The following PPM1L variants were observed in gnomAD, a reference collection of about 807,000 sequenced individuals.
PPM1L encodes protein phosphatase 1L.
A neutral mutation model predicts 31.4 loss-of-function variants in PPM1L; 13 were observed. That is an observed-to-expected ratio of 0.41 (90% CI 0.27 to 0.66). The LOEUF is 0.66. PPM1L is among the 30% of genes least tolerant of loss of function. PPM1L has a pLI of 0.29. For missense variants in PPM1L, 326 were observed against 453.7 expected (o/e 0.72, Z 2.56); for synonymous variants, 184 against 175.4 (o/e 1.05, Z -0.39).
rs144961400 is a variant in PPM1L at position 161,010,838 on chromosome 3, A to G, written c.574+48928A>G. Among the ~76,000 whole-genome samples, 358 of 152,246 alleles carry G rather than the reference A, an allele frequency of 2.4e-3. 2 individuals carry two copies. The highest frequency in any genetic ancestry group is 0.01 in the Middle Eastern group (3 of 294). On this transcript the variant is annotated intron_variant, in intron 2 of 3. Coordinates refer to ENST00000498165, the MANE Select transcript of PPM1L (RefSeq NM_139245.4). ...AAATGTCTTCTTTTGAGAAGTGTCTATTCATATCCTTTGCCCACTTTGTAA... is the reference window on the plus strand; with the variant it reads ...AAATGTCTTCTTTTGAGAAGTGTCTGTTCATATCCTTTGCCCACTTTGTAA...
intron 1 of PPM1L, among the ~76,000 whole-genome samples, chr3:160,829,206 T>A (rs886247765): frequency 6.6e-6 from 1 of 151,598 alleles, no homozygotes; most frequent in African/African-American, 2.4e-5. Context: ...CTCCTCCTTG[T>A]TTTTGTTTAG....
rs114507255 is a variant in PPM1L, at chr3:160,800,041, A to G, written c.399+43334A>G. 6.6e-3 allele frequency among the ~76,000 whole-genome samples: 1,001 copies of G among 152,348 alleles called. 10 individuals carry two copies. Among genetic ancestry groups the G allele is most frequent in the African/African-American group, 0.023 (964 of 41,570 alleles). On this transcript the variant is annotated intron_variant, in intron 1 of 3. Transcript: ENST00000498165. ...ATAAACATTTGTTAAATGCATGAAT[A>G]AAGGAATAGTATTTTTTATTCATGC...
At chr3:160,851,388 A>T (rs541313024) in intron 1 of PPM1L, among the ~76,000 whole-genome samples, 89 of 152,290 alleles carry the variant, frequency 5.8e-4, no homozygotes, top group African/African-American at 2.1e-3. Context: ...TTGAGGCCAA[A>T]CTATGTTGAA....
chr3:160,761,828 G>A (rs1024221333), intron 1 of PPM1L, among the ~76,000 whole-genome samples: 1 of 152,176 alleles, frequency 6.6e-6, no homozygotes, highest in Non-Finnish European at 1.5e-5. Context: ...TGGCAGACCG[G>A]AGAAGAAGAG....
intron 2 of PPM1L, among the ~76,000 whole-genome samples, chr3:161,014,069 T>C (rs1394920078): frequency 1.3e-5 from 2 of 152,210 alleles, no homozygotes; most frequent in Non-Finnish European, 2.9e-5. Context: ...GTCATTGTGA[T>C]GTTAGCTGGT....
At position 160,763,048 on chromosome 3, in the gene PPM1L, A is replaced by G. The variant is rs371233546; in HGVS notation, c.399+6341A>G. On this transcript the variant is annotated intron_variant, in intron 1 of 3. Coordinates refer to ENST00000498165, the MANE Select transcript of PPM1L (RefSeq NM_139245.4). Reference sequence around the variant, plus strand: ...CTGCTGAGATGCTGTCTCCATCTTGATGGAGCAGAATGATTCTAAAAAGAT... The same window carrying G: ...CTGCTGAGATGCTGTCTCCATCTTGGTGGAGCAGAATGATTCTAAAAAGAT... Among the ~76,000 whole-genome samples, 4 of 152,316 alleles carry G rather than the reference A, an allele frequency of 2.6e-5. No homozygotes were observed. In the East Asian group the frequency reaches 5.8e-4, roughly 22 times the overall value.
intron 2 of PPM1L, among the ~76,000 whole-genome samples, chr3:160,980,424 C>G (rs1186890966): frequency 1.3e-5 from 2 of 151,876 alleles, no homozygotes; most frequent in African/African-American, 4.8e-5. Context: ...CGCCTGTAAT[C>G]CCAGCACTTT....
At chr3:160,920,615 T>TCTCTCACA (rs1389629070) in intron 1 of PPM1L, among the ~76,000 whole-genome samples, 15 of 28,708 alleles carry the variant, frequency 5.2e-4, no homozygotes, top group African/African-American at 1.4e-3. Flanking sequence ...TCTCTCTCTC[T>TCTCTCACA]CACACACACA....
chr3:160,850,087 A>G (rs1354032859), intron 1 of PPM1L, among the ~76,000 whole-genome samples: 1 of 152,184 alleles, frequency 6.6e-6, no homozygotes, highest in East Asian at 1.9e-4. Flanking sequence ...CCAGATTGTC[A>G]CTTACACTCC....
chr3:160,837,588 A>G (rs963256267), intron 1 of PPM1L, among the ~76,000 whole-genome samples: 3 of 152,210 alleles, frequency 2.0e-5, no homozygotes, highest in Non-Finnish European at 4.4e-5. Context: ...TGTAAATGCT[A>G]TGCTGTACAT....
At chr3:160,920,615 T>TCTCTCTCTCTCTCACA (rs1389629070) in intron 1 of PPM1L, among the ~76,000 whole-genome samples, 4 of 28,662 alleles carry the variant, frequency 1.4e-4, no homozygotes, top group South Asian at 1.6e-3. Flanking sequence ...TCTCTCTCTC[T>TCTCTCTCTCTCTCACA]CACACACACA....
In PPM1L at chr3:160,838,358, C is replaced by T. The variant is rs1218275158; in HGVS notation, c.399+81651C>T. ...AAGTAGGGGCTTGCATGTAAATATC[C>T]ACAAAGGGTGGCTATAAGACAACAG... On this transcript the variant is annotated intron_variant, in intron 1 of 3. Transcript: ENST00000498165. Among the ~76,000 whole-genome samples, 3 of 152,154 alleles carry T rather than the reference C, an allele frequency of 2.0e-5. No individual in the cohort carries two copies. In the East Asian group the frequency reaches 5.8e-4, roughly 29 times the overall value.
At chr3:160,969,531 T>TA (rs1716255330) in intron 2 of PPM1L, among the ~76,000 whole-genome samples, 1 of 151,672 alleles carries the variant, frequency 6.6e-6, no homozygotes, top group African/African-American at 2.4e-5. Flanking sequence ...TCTAAGAACA[T>TA]AAAAAATCTA....
intron 1 of PPM1L, among the ~76,000 whole-genome samples, chr3:160,916,287 C>G (rs1714177858): frequency 6.6e-6 from 1 of 152,082 alleles, no homozygotes; most frequent in South Asian, 2.1e-4. Flanking sequence ...GACATTTATG[C>G]AGTGAAAACA....
intron 2 of PPM1L, among the ~76,000 whole-genome samples, chr3:160,975,785 G>C (rs1716548246): frequency 6.6e-6 from 1 of 151,718 alleles, no homozygotes; most frequent in African/African-American, 2.4e-5. Context: ...TGAGACAATG[G>C]GGTTTTCTAG....
At chr3:160,903,635 A>G (rs1438921839) in intron 1 of PPM1L, among the ~76,000 whole-genome samples, 5 of 152,056 alleles carry the variant, frequency 3.3e-5, no homozygotes, top group African/African-American at 1.2e-4. Context: ...GGTATTTTCT[A>G]TTACTTCAAT....
Position 161,076,991 on chromosome 3 carries a change from T to G in PPM1L, c.*7834T>G, listed in dbSNP as rs1720122509. ...TTCTTTCCTTTTTTGTGTGAGCATC[T>G]ACTATGTGCCAGGCAGTGACTGTGT... On this transcript the variant is annotated 3_prime_UTR_variant, in exon 4 of 4. Coordinates refer to ENST00000498165, the MANE Select transcript of PPM1L (RefSeq NM_139245.4). 6.6e-6 allele frequency: 1 copy of G among 152,204 alleles called. No homozygotes were observed. The highest frequency in any genetic ancestry group is 2.4e-5 in the African/African-American group (1 of 41,452). 9.4% of individuals were successfully genotyped at this position (152,204 alleles called of 1,614,324 possible).
chr3:160,815,718 A>G (rs773658892), intron 1 of PPM1L, among the ~76,000 whole-genome samples: 1 of 152,184 alleles, frequency 6.6e-6, no homozygotes, highest in African/African-American at 2.4e-5. Flanking sequence ...GACTGTGCAG[A>G]GTGCCAGATT....
chr3:160,799,774 A>G (rs59264052), intron 1 of PPM1L, among the ~76,000 whole-genome samples: 8,045 of 152,230 alleles, frequency 0.053, 698 homozygotes, highest in African/African-American at 0.18. Context: ...CACCTATCAG[A>G]GAGGCCTTCT....
Sources: gnomAD v4.1 joint callset for allele counts (sites outside exome capture counted in the v4.1 genomes callset) on GRCh38, gnomAD v4.1.1 for gene constraint, MANE v1.5 for transcripts, NCBI Gene and HGNC (gene_info 2026-07-23, HGNC 2026-07-21) for gene names.